The following ELMO1 variants were observed in gnomAD, a reference collection of about 807,000 sequenced individuals.
The protein encoded by ELMO1 is engulfment and cell motility protein 1.
ELMO1 carries 26 observed loss-of-function variants against 98.9 expected under a neutral mutation model. That is an observed-to-expected ratio of 0.26 (90% CI 0.19 to 0.36). ELMO1 has a LOEUF of 0.36. ELMO1 is among the 10% of genes least tolerant of loss of function. The pLI is 1.00. For missense variants in ELMO1, 627 were observed against 935.2 expected, an observed-to-expected ratio of 0.67 and a Z score of 4.30; for synonymous variants, 346 against 346.0, an observed-to-expected ratio of 1.00 and a Z score of 0.00.
At chr7:37,153,762 G>A (rs994950062) in intron 13 of ELMO1, among the ~76,000 whole-genome samples, 1 of 152,200 alleles carries the variant, frequency 6.6e-6, no homozygotes, top group African/African-American at 2.4e-5. Flanking sequence ...ATCTTCTGCA[G>A]ACTTAAACAT....
intron 1 of ELMO1, among the ~76,000 whole-genome samples, chr7:37,354,304 AG>A (rs1439660894): frequency 2.0e-5 from 3 of 152,252 alleles, no homozygotes; most frequent in Non-Finnish European, 2.9e-5. Flanking sequence ...ACAAATGTGA[AG>A]GATTACTCAA....
rs533158542 is a variant in ELMO1 at position 36,911,066 on chromosome 7, T to C, written c.1438-16049A>G. ...GGAGTTGCCAACGGAACTTACAGTA[T>C]GAGAGAGAAAGGTGTTCTCTGCCAG... is the stretch of plus-strand genomic sequence containing the variant. On this transcript the variant is annotated intron_variant, in intron 16 of 21. Coordinates refer to ENST00000310758, the MANE Select transcript of ELMO1 (RefSeq NM_014800.11). Among the ~76,000 whole-genome samples, 11 of 152,276 alleles carry C rather than the reference T, an allele frequency of 7.2e-5. 1 individual carries two copies. Among genetic ancestry groups the C allele is most frequent in the Admixed American group, 5.9e-4 (9 of 15,304 alleles).
At chr7:36,929,076 G>A (rs1172645464) in intron 16 of ELMO1, among the ~76,000 whole-genome samples, 1 of 152,178 alleles carries the variant, frequency 6.6e-6, no homozygotes, top group Non-Finnish European at 1.5e-5. Flanking sequence ...GTTTTACTCG[G>A]GGCACCTGGC....
At position 37,031,936 on chromosome 7, in the gene ELMO1, C is replaced by A. The variant is rs530568007; in HGVS notation, c.1301-18501G>T. 5.9e-5 allele frequency among the ~76,000 whole-genome samples: 9 copies of A among 152,296 alleles called. No individual in the cohort carries two copies. The South Asian group carries it at 1.2e-3, about 21-fold the overall frequency. On this transcript the variant is annotated intron_variant, in intron 15 of 21. Coordinates refer to ENST00000310758, the MANE Select transcript of ELMO1 (RefSeq NM_014800.11). ...CCACAGGAGAAGGCTCCGTGGAGAC[C>A]ATGCCCACACATTTCAGTGCCTGGG...
intron 1 of ELMO1, among the ~76,000 whole-genome samples, chr7:37,371,042 T>C (rs1430944977): frequency 6.6e-6 from 1 of 152,146 alleles, no homozygotes; most frequent in Non-Finnish European, 1.5e-5. Context: ...AAATTAACTG[T>C]CCCATATTCA....
rs1375467239 is a variant in ELMO1 at position 36,954,187 on chromosome 7, G to A, written c.1437+59112C>T. Among the ~76,000 whole-genome samples the A allele has an allele frequency of 5.9e-5, 9 of 152,264 alleles. No individual in the cohort carries two copies. In the East Asian group the frequency reaches 1.7e-3, roughly 29 times the overall value. On this transcript the variant is annotated intron_variant, in intron 16 of 21. Transcript: ENST00000310758. Reference sequence around the variant, plus strand: ...GGATCTCACAGAGCCTCAAGCACTTGCTTCATCTTCACAGCAATGCTGCAG... The same window carrying A: ...GGATCTCACAGAGCCTCAAGCACTTACTTCATCTTCACAGCAATGCTGCAG...
chr7:37,053,952 A>G (rs1466717215), intron 15 of ELMO1, among the ~76,000 whole-genome samples: 1 of 152,190 alleles, frequency 6.6e-6, no homozygotes, highest in African/African-American at 2.4e-5. Flanking sequence ...TATGAAATAA[A>G]TACTCCTCTT....
chr7:37,292,585 C>T (rs1797764050), intron 4 of ELMO1, among the ~76,000 whole-genome samples: 1 of 113,970 alleles, frequency 8.8e-6, no homozygotes, highest in Non-Finnish European at 2.0e-5. Context: ...ATGTGGGGAG[C>T]ACCTCTGCCC....
upstream of ELMO1, chr7:37,449,120 A>G (rs1481863660): frequency 6.6e-6 from 1 of 152,266 alleles, no homozygotes; most frequent in Non-Finnish European, 1.5e-5. Context: ...GATGCCCACG[A>G]CTTTTTGAAG....
intron 7 of ELMO1, among the ~76,000 whole-genome samples, chr7:37,239,797 A>G (rs186983234): frequency 6.6e-6 from 1 of 152,318 alleles, no homozygotes; most frequent in African/African-American, 2.4e-5. Flanking sequence ...GGTAGAAATG[A>G]CCAGGCTCTG....
At chr7:37,147,952 T>G (rs6462731) in intron 13 of ELMO1, among the ~76,000 whole-genome samples, 127,183 of 152,114 alleles carry the variant, frequency 0.84, 53,948 homozygotes, top group Non-Finnish European at 0.91. Context: ...TAACAACGTC[T>G]TCAGGCATCT....
At chr7:36,882,066 G>A (rs1804509613) in intron 18 of ELMO1, among the ~76,000 whole-genome samples, 1 of 152,160 alleles carries the variant, frequency 6.6e-6, no homozygotes, top group Non-Finnish European at 1.5e-5. Context: ...AGTTCAGTGA[G>A]ACACAGGGCA....
intron 1 of ELMO1, among the ~76,000 whole-genome samples, chr7:37,381,672 C>A (rs1270959843): frequency 2.0e-5 from 3 of 151,914 alleles, no homozygotes; most frequent in Non-Finnish European, 4.4e-5. Flanking sequence ...AAACCAATGT[C>A]GAGGGAAATT....
intron 6 of ELMO1, among the ~76,000 whole-genome samples, chr7:37,258,076 T>A (rs1218159902): frequency 6.6e-6 from 1 of 152,194 alleles, no homozygotes; most frequent in Non-Finnish European, 1.5e-5. Context: ...GAGACCATCC[T>A]GGCTGACATG....
At chr7:37,188,501 A>AATAAAAAT (rs1554438183) in intron 13 of ELMO1, among the ~76,000 whole-genome samples, 1 of 125,960 alleles carries the variant, frequency 7.9e-6, no homozygotes, top group African/African-American at 3.0e-5. Context: ...AAAAAAAAAA[A>AATAAAAAT]AATAATAATA....
chr7:37,050,400 C>G (rs1020456371), intron 15 of ELMO1, among the ~76,000 whole-genome samples: 1 of 152,064 alleles, frequency 6.6e-6, no homozygotes, highest in Non-Finnish European at 1.5e-5. Flanking sequence ...ATGCCTGGCC[C>G]CCAGTTCTAT....
intron 1 of ELMO1, among the ~76,000 whole-genome samples, chr7:37,431,607 C>T (rs1804935128): frequency 1.3e-5 from 2 of 152,200 alleles, no homozygotes; most frequent in Admixed American, 6.5e-5. Flanking sequence ...GAAAGGAAGG[C>T]TGGGTCACTT....
rs1004434027 is a variant in ELMO1, at chr7:36,853,260, GTTTC to G, written c.*2287_*2290del. Reference sequence around the variant, plus strand: ...TGCTGCCTTTCATAGTCCTGAAAAGGTTTCTTTCTATTAAATGCACCAAAGCTGG... The same window carrying G: ...TGCTGCCTTTCATAGTCCTGAAAAGGTTTCTATTAAATGCACCAAAGCTGG... On this transcript the variant is annotated 3_prime_UTR_variant, in exon 22 of 22. Coordinates refer to ENST00000310758, the MANE Select transcript of ELMO1 (RefSeq NM_014800.11). 1.1e-4 allele frequency among the ~76,000 whole-genome samples: 16 copies of G among 152,280 alleles called. No homozygotes were observed. The highest frequency in any genetic ancestry group is 3.4e-4 in the African/African-American group (14 of 41,554).
At chr7:37,351,882 C>T (rs578082229) in intron 1 of ELMO1, among the ~76,000 whole-genome samples, 2 of 152,342 alleles carry the variant, frequency 1.3e-5, no homozygotes, top group South Asian at 2.1e-4. Flanking sequence ...ACATCTGTGA[C>T]GTAGCGCTCA....
Sources: gnomAD v4.1 joint callset for allele counts (sites outside exome capture counted in the v4.1 genomes callset) on GRCh38, gnomAD v4.1.1 for gene constraint, MANE v1.5 for transcripts, NCBI Gene and HGNC (gene_info 2026-07-23, HGNC 2026-07-21) for gene names.